The following USH2A variants were observed in gnomAD, a reference collection of about 807,000 sequenced individuals.
USH2A encodes Usher syndrome 2A (autosomal recessive, mild).
Under a neutral mutation model 538.9 loss-of-function variants are expected in USH2A, and 443 were observed. That is an observed-to-expected ratio of 0.82 (90% confidence interval 0.76 to 0.89). The LOEUF (loss-of-function observed/expected upper bound fraction) is 0.89, where lower values mean the gene tolerates loss of function less well. Ranked by LOEUF, USH2A falls within the 40% of genes least tolerant of loss-of-function variation. The pLI, the probability that USH2A is intolerant of heterozygous loss-of-function variation, is 0.00. For synonymous variants in USH2A, 2,413 were observed against 2,273.5 expected (o/e 1.06, Z -1.75); for missense variants, 6,633 against 6,324.8 (o/e 1.05, Z -1.65).
chr1:215,877,970 G>T, intron 42 of USH2A, 90 bp from the exon 43 acceptor site: 1 of 1,538,688 alleles, frequency 6.5e-7, no homozygotes, highest in Non-Finnish European at 9.0e-7. Context: ...ATGTGCGTGT[G>T]ATATATGCGT....
Position 215,888,861 on chromosome 1 carries a change from A to T in USH2A, c.7788T>A (p.Tyr2596Ter), listed in dbSNP as rs1156928095. 3 of 1,614,146 alleles carry T rather than the reference A, an allele frequency of 1.9e-6. No individual in the cohort carries two copies. The highest frequency in any genetic ancestry group is 2.5e-6 in the Non-Finnish European group (3 of 1,180,012). Reference sequence around the variant, plus strand: ...AAGTGCAGGCTTCTACCTGAAACTTATAGGCAGTGTATGGGTGTAAATGCA... The same window carrying T: ...AAGTGCAGGCTTCTACCTGAAACTTTTAGGCAGTGTATGGGTGTAAATGCA... ...TVMHLHPYTA[Y>*]KFQVEACTSK... The change falls in exon 41 of 72, where the codon TAT becomes TAA. Residue 2596 changes from tyrosine to a stop codon, truncating the protein, a stop_gained. Transcript: ENST00000307340. LOFTEE classifies it high-confidence loss of function.
chr1:216,093,347 G>A (rs1458623321), intron 22 of USH2A, among the ~76,000 whole-genome samples: 1 of 152,184 alleles, frequency 6.6e-6, no homozygotes, highest in East Asian at 1.9e-4. Context: ...TAGGGACAGA[G>A]CAACTGGGAA....
intron 37 of USH2A, among the ~76,000 whole-genome samples, chr1:215,952,068 G>T (rs1203964868): frequency 2.6e-5 from 4 of 151,546 alleles, no homozygotes; most frequent in South Asian, 2.1e-4. Context: ...GTTTCACCTT[G>T]TTAGCCAGGA....
At chr1:216,238,649 T>G (rs1420543088) in intron 13 of USH2A, among the ~76,000 whole-genome samples, 1 of 152,186 alleles carries the variant, frequency 6.6e-6, no homozygotes, top group African/African-American at 2.4e-5. Context: ...TGCCTATAAA[T>G]TTTACTTGAA....
intron 50 of USH2A, among the ~76,000 whole-genome samples, chr1:215,795,295 C>T (rs565305046): frequency 1.3e-5 from 2 of 152,250 alleles, no homozygotes; most frequent in South Asian, 4.1e-4. Context: ...TTTGAGATTC[C>T]AATCCAATGG....
intron 24 of USH2A, among the ~76,000 whole-genome samples, chr1:216,086,461 A>T (rs1204206670): frequency 6.6e-6 from 1 of 152,166 alleles, no homozygotes; most frequent in African/African-American, 2.4e-5. Flanking sequence ...TTTGACTGAA[A>T]TTATTATAAT....
intron 32 of USH2A, among the ~76,000 whole-genome samples, chr1:216,011,333 G>T (rs547205235): frequency 3.3e-5 from 5 of 152,018 alleles, no homozygotes; most frequent in Non-Finnish European, 5.9e-5. Context: ...CACCCATTAG[G>T]CTCAGCAAAT....
rs923020422 is a variant in USH2A, at chr1:216,199,909, C to A, written c.3529G>T (p.Gly1177Cys). The A allele has an allele frequency of 1.9e-6, 3 of 1,613,916 alleles. No homozygotes were observed. Among genetic ancestry groups the A allele is most frequent in the African/African-American group, 1.3e-5 (1 of 74,882 alleles). The part of the protein sequence containing the change: ...LTWTTLSNQS[G>C]PIEKYILSCA... The stretch of plus-strand genomic sequence containing the variant: ...GACAAAATATATTTCTCTATGGGAC[C>A]AGATTGATTTGAGAGTGTTGTCCAG... The change falls in exon 17 of 72, where the codon GGT becomes TGT. Residue 1177 changes from glycine (G) to cysteine (C), a missense_variant. Gly to Cys is a radical substitution (Grantham distance 159, BLOSUM62 -3). Transcript: ENST00000307340.
chr1:215,808,061 A>G (rs1662552774), intron 49 of USH2A, among the ~76,000 whole-genome samples: 1 of 152,134 alleles, frequency 6.6e-6, no homozygotes, highest in Admixed American at 6.6e-5. Flanking sequence ...CTCCAGAACC[A>G]ATATCTTATT....
rs549635397 is a variant in USH2A at position 215,674,830 on chromosome 1, G to A, written c.13081C>T (p.Pro4361Ser). 4 of 1,614,066 alleles carry A rather than the reference G, an allele frequency of 2.5e-6. No homozygotes were observed. In the African/African-American group the frequency reaches 5.3e-5, roughly 22 times the overall value. ...TLEAAPSEVS[P>S]PDLWAVSATQ... Reference sequence around the variant, plus strand: ...GCACTGACGGCCCAAAGATCTGGAGGGCTGACTTCTGATGGAGCAGCCTCC... The same window carrying A: ...GCACTGACGGCCCAAAGATCTGGAGAGCTGACTTCTGATGGAGCAGCCTCC... Residue 4361 changes from proline (P) to serine (S), a missense_variant, in exon 63 of 72, where the codon CCT (proline) becomes TCT (serine). Coordinates refer to ENST00000307340, the MANE Select transcript of USH2A (RefSeq NM_206933.4).
intron 32 of USH2A, among the ~76,000 whole-genome samples, chr1:216,024,535 T>C (rs559565870): frequency 1.2e-4 from 19 of 152,100 alleles, no homozygotes; most frequent in Non-Finnish European, 2.7e-4. Context: ...CTTTAAAATA[T>C]GTATTATGTA....
chr1:216,231,936 A>G lies in USH2A; in HGVS notation c.2993+17T>C, dbSNP rs764381394. ...GCTAAAGAAAGAGTTAAATTATTAA[A>G]GCTTATAAAGATGTACCTTCCAGTC... On this transcript the variant is annotated intron_variant, in intron 14 of 71. Coordinates refer to ENST00000307340, the MANE Select transcript of USH2A (RefSeq NM_206933.4). The G allele has an allele frequency of 6.2e-7, 1 of 1,613,914 alleles. No individual in the cohort carries two copies. The highest frequency in any genetic ancestry group is 1.7e-5 in the Admixed American group (1 of 60,016).
At chr1:215,647,876 T>G in intron 66 of USH2A, 146 bp from the exon 67 acceptor site, 1 of 884,534 alleles carries the variant, frequency 1.1e-6, no homozygotes, top group African/African-American at 1.7e-5. Flanking sequence ...AGGAAACTGC[T>G]CTCAGAAACA....
At chr1:216,063,732 A>G (rs2031259051) in intron 30 of USH2A, among the ~76,000 whole-genome samples, 1 of 152,216 alleles carries the variant, frequency 6.6e-6, no homozygotes, top group South Asian at 2.1e-4. Flanking sequence ...GCAGAGATAT[A>G]TAGAAGTCTT....
chr1:216,415,928 GCCAAGGCAGGTGGATCA>G (rs1236725700), intron 3 of USH2A, among the ~76,000 whole-genome samples: 2 of 152,022 alleles, frequency 1.3e-5, no homozygotes, highest in African/African-American at 4.8e-5. Flanking sequence ...ACTTTGGGAG[GCCAAGGCAGGTGGATCA>G]CCTGAGGTCA....
intron 55 of USH2A, among the ~76,000 whole-genome samples, chr1:215,771,603 A>AAAAAAAAAAAAAAAAAAAAAAT (rs1354440020): frequency 6.8e-6 from 1 of 146,682 alleles, no homozygotes; most frequent in Non-Finnish European, 1.5e-5. Context: ...AAAAAAAAAA[A>AAAAAAAAAAAAAAAAAAAAAAT]AAAAAAAAAA....
rs1242112357 is a variant in USH2A, at chr1:216,292,354, G to A, written c.1661C>T (p.Pro554Leu). 1 of 1,613,716 alleles carries A rather than the reference G, an allele frequency of 6.2e-7. No homozygotes were observed. The highest frequency in any genetic ancestry group is 1.7e-5 in the Admixed American group (1 of 59,988). The change falls in exon 10 of 72, where the codon CCT (proline) becomes CTT (leucine). Residue 554 changes from proline (P) to leucine (L), a missense_variant. Transcript: ENST00000307340. ...TEGLHCDRCL[P>L]LYNDKPFRQG... is the part of the protein sequence containing the mutation. ...GCGGAAAGGCTTGTCATTATAAAGA[G>A]GCAAGCAGCGATCACACTAGAACAA...
At chr1:215,816,415 A>C (rs1662859115) in intron 48 of USH2A, among the ~76,000 whole-genome samples, 1 of 151,966 alleles carries the variant, frequency 6.6e-6, no homozygotes, top group South Asian at 2.1e-4. Context: ...AAATCTTATA[A>C]ATTTAGTAGT....
chr1:216,307,073 C>T (rs1395119583), intron 9 of USH2A, among the ~76,000 whole-genome samples: 1 of 152,118 alleles, frequency 6.6e-6, no homozygotes, highest in Admixed American at 6.6e-5. Context: ...AGGATACAAG[C>T]TTGCTCTAGA....
Sources: gnomAD v4.1 joint callset for allele counts (sites outside exome capture counted in the v4.1 genomes callset) on GRCh38, gnomAD v4.1.1 for gene constraint, MANE v1.5 for transcripts, NCBI Gene and HGNC (gene_info 2026-07-23, HGNC 2026-07-21) for gene names.